CNTN5: variants seen among roughly 807,000 people sequenced by gnomAD.
CNTN5 encodes the protein contactin 5.
Under a neutral mutation model 129.1 loss-of-function variants are expected in CNTN5, and 77 were observed. The observed-to-expected ratio is 0.60, with a 90% CI of 0.50 to 0.72. The LOEUF is 0.72. Ranked by LOEUF, CNTN5 falls within the 30% of genes least tolerant of loss-of-function variation. The probability of loss-of-function intolerance (pLI) is 0.00; values close to 1 mark genes in which losing one functional copy is unlikely to be tolerated. For synonymous variants in CNTN5, 509 were observed against 465.6 expected (o/e 1.09, Z -1.20); for missense variants, 1,478 against 1,328.8 (o/e 1.11, Z -1.75).
chr11:100,038,933 CTG>C (rs1942205468), intron 9 of CNTN5, among the ~76,000 whole-genome samples: 1 of 152,108 alleles, frequency 6.6e-6, no homozygotes, highest in Non-Finnish European at 1.5e-5. Flanking sequence ...ATTTGCCAGT[CTG>C]TGTCTTTTAA....
At position 99,716,839 on chromosome 11, in the gene CNTN5, G is replaced by A. The variant is rs866887761; in HGVS notation, c.56-102705G>A. 3.3e-5 allele frequency among the ~76,000 whole-genome samples: 5 copies of A among 152,158 alleles called. No homozygotes were observed. The Middle Eastern group carries it at 0.01, about 311-fold the overall frequency. On this transcript the variant is annotated intron_variant, in intron 3 of 24. Coordinates refer to ENST00000524871, the MANE Select transcript of CNTN5 (RefSeq NM_014361.4). ...GTTTTGGATAGTCATTCATTCAACAGTGTTTTAAAACGAAAGTATTTTATG... is the reference window on the plus strand; with the variant it reads ...GTTTTGGATAGTCATTCATTCAACAATGTTTTAAAACGAAAGTATTTTATG...
At chr11:99,204,641 G>A (rs1369609084) in intron 1 of CNTN5, among the ~76,000 whole-genome samples, 1 of 152,164 alleles carries the variant, frequency 6.6e-6, no homozygotes, top group African/African-American at 2.4e-5. Context: ...TGATCAGTGT[G>A]CAATGGAAGA....
In CNTN5 at chr11:99,089,623, A is replaced by G. The variant is rs140164304; in HGVS notation, c.-210+68353A>G. Among the ~76,000 whole-genome samples, 240 of 152,330 alleles carry G rather than the reference A, an allele frequency of 1.6e-3. 2 individuals are homozygous for G. The highest frequency in any genetic ancestry group is 5.5e-3 in the African/African-American group (227 of 41,592). On this transcript the variant is annotated intron_variant, in intron 1 of 24. Transcript: ENST00000524871. The stretch of plus-strand genomic sequence containing the variant: ...GAAAGTCATTTCGCATTAAACAAGC[A>G]TTAAATAAGCTACCAGTTAGCAACT...
At chr11:100,220,521 C>T (rs1040362004) in intron 15 of CNTN5, among the ~76,000 whole-genome samples, 1 of 152,008 alleles carries the variant, frequency 6.6e-6, no homozygotes. Context: ...TAAAATAAAG[C>T]TAGGTATTTC....
chr11:99,583,263 T>C (rs2726358), intron 3 of CNTN5, among the ~76,000 whole-genome samples: 137,915 of 152,274 alleles, frequency 0.91, 62,648 homozygotes, highest in East Asian at 1. Context: ...TTAGGCTACT[T>C]GGGGGTCAGG....
At chr11:99,999,020 T>G (rs1225917721) in intron 8 of CNTN5, among the ~76,000 whole-genome samples, 1 of 152,090 alleles carries the variant, frequency 6.6e-6, no homozygotes, top group African/African-American at 2.4e-5. Context: ...ATGGAATAAA[T>G]ACTTAAACGT....
chr11:99,149,225 C>T (rs1354237076), intron 1 of CNTN5, among the ~76,000 whole-genome samples: 1 of 152,002 alleles, frequency 6.6e-6, no homozygotes, highest in African/African-American at 2.4e-5. Context: ...TGTGGGGTTA[C>T]AAATCTTGTG....
intron 2 of CNTN5, among the ~76,000 whole-genome samples, chr11:99,531,609 C>A (rs1947708167): frequency 6.6e-6 from 1 of 152,182 alleles, no homozygotes; most frequent in Non-Finnish European, 1.5e-5. Flanking sequence ...GTTTCACGGG[C>A]CAGGCCCAGC....
At chr11:99,901,881 G>A (rs1425871551) in intron 6 of CNTN5, among the ~76,000 whole-genome samples, 3 of 152,176 alleles carry the variant, frequency 2.0e-5, no homozygotes, top group African/African-American at 7.2e-5. Flanking sequence ...AGGGTTCAGT[G>A]TAAGTTAAGG....
At chr11:100,124,270 G>C (rs764304498) in intron 13 of CNTN5, among the ~76,000 whole-genome samples, 1 of 151,940 alleles carries the variant, frequency 6.6e-6, no homozygotes, top group African/African-American at 2.4e-5. Flanking sequence ...TTGAAAACTG[G>C]ATATTAGAAA....
intron 13 of CNTN5, among the ~76,000 whole-genome samples, chr11:100,093,958 T>C (rs1944893059): frequency 6.6e-6 from 1 of 152,136 alleles, no homozygotes; most frequent in Non-Finnish European, 1.5e-5. Context: ...TCTCCAGATT[T>C]GTACCAATTA....
In CNTN5 at chr11:99,363,598, A is replaced by T. The variant is rs533458989; in HGVS notation, c.-71+38114A>T. ...TCTACTATCAGAGGACAGCACCAAG[A>T]AGGCAAACAGAAACAAGCACAATTT... On this transcript the variant is annotated intron_variant, in intron 2 of 24. Transcript: ENST00000524871. Among the ~76,000 whole-genome samples, 6 of 152,216 alleles carry T rather than the reference A, an allele frequency of 3.9e-5. No individual in the cohort carries two copies. The South Asian group carries it at 1.0e-3, about 26-fold the overall frequency.
intron 1 of CNTN5, among the ~76,000 whole-genome samples, chr11:99,065,926 ACT>A (rs1288650343): frequency 3.3e-5 from 5 of 152,106 alleles, no homozygotes; most frequent in Non-Finnish European, 7.4e-5. Flanking sequence ...AATTACCTTG[ACT>A]CTGTTGTGAA....
rs189317536 is a variant in CNTN5, at chr11:99,557,757, C to T, written c.55+1488C>T. On this transcript the variant is annotated intron_variant, in intron 3 of 24. Transcript: ENST00000524871. ...GCAATCCTCAACTTATCAGATTATG[C>T]TCCAAAACATTATTTGAAATCTAAA... Among the ~76,000 whole-genome samples, 233 of 151,524 alleles carry T rather than the reference C, an allele frequency of 1.5e-3. 1 individual carries two copies. The highest frequency in any genetic ancestry group is 1.4e-3 in the Non-Finnish European group (97 of 67,634).
intron 21 of CNTN5, chr11:100,309,781 T>A (rs1951433872): frequency 7.2e-6 from 6 of 838,204 alleles, no homozygotes; most frequent in Admixed American, 6.3e-5. Context: ...CCCTTCTCTA[T>A]GGAGGAGGGA....
chr11:99,348,202 G>C (rs866189230), intron 2 of CNTN5, among the ~76,000 whole-genome samples: 14 of 152,220 alleles, frequency 9.2e-5, no homozygotes, highest in African/African-American at 3.1e-4. Context: ...AGCCAGGCGT[G>C]GTGGCAGGCG....
chr11:99,072,771 G>T (rs1865391780), intron 1 of CNTN5, among the ~76,000 whole-genome samples: 2 of 152,028 alleles, frequency 1.3e-5, no homozygotes, highest in Admixed American at 6.6e-5. Flanking sequence ...AATCTTAAGT[G>T]TACCATTCAA....
In CNTN5 at chr11:99,704,083, G is replaced by GTA. The variant is rs1260600609; in HGVS notation, c.56-115458_56-115457dup. On this transcript the variant is annotated intron_variant, in intron 3 of 24. Coordinates refer to ENST00000524871, the MANE Select transcript of CNTN5 (RefSeq NM_014361.4). ...TGTGTGTGTGTGTATGTGTGTGTGT[G>GTA]TATACATACACCCATATGCATGTAT... 2.0e-5 allele frequency among the ~76,000 whole-genome samples: 3 copies of GTA among 150,568 alleles called. No homozygotes were observed. In the Admixed American group the frequency reaches 2.0e-4, roughly 10 times the overall value.
chr11:99,254,905 G>A (rs1462217538), intron 1 of CNTN5, among the ~76,000 whole-genome samples: 2 of 151,822 alleles, frequency 1.3e-5, no homozygotes, highest in Non-Finnish European at 2.9e-5. Context: ...ATTTCTGTAG[G>A]GGGAAAATTA....
Sources: allele counts gnomAD v4.1 joint callset (sites outside exome capture counted in the v4.1 genomes callset), GRCh38; gene constraint gnomAD v4.1.1; transcripts MANE v1.5; gene names NCBI Gene and HGNC (gene_info 2026-07-23, HGNC 2026-07-21).